ACBD3: variants seen among roughly 807,000 people sequenced by gnomAD.
ACBD3 encodes the protein acyl-CoA binding domain containing 3.
ACBD3 carries 30 observed loss-of-function variants against 66.9 expected under a neutral mutation model. The observed-to-expected ratio is 0.45, with a 90% CI of 0.34 to 0.61. The LOEUF (loss-of-function observed/expected upper bound fraction) is 0.61. Ranked by LOEUF, ACBD3 falls within the 20% of genes least tolerant of loss-of-function variation. ACBD3 has a pLI of 0.02. For synonymous variants in ACBD3, 278 were observed against 259.8 expected, an observed-to-expected ratio of 1.07 and a Z score of -0.68; for missense variants, 544 against 664.5, an observed-to-expected ratio of 0.82 and a Z score of 1.99.
At chr1:226,164,127 A>AC (rs1287776548) in intron 3 of ACBD3, among the ~76,000 whole-genome samples, 2 of 150,812 alleles carry the variant, frequency 1.3e-5, no homozygotes, top group African/African-American at 4.9e-5. Flanking sequence ...AAAAAAAAAA[A>AC]AAAAAAAAAA....
chr1:226,166,291 A>G (rs1486199724), intron 1 of ACBD3, among the ~76,000 whole-genome samples: 1 of 149,912 alleles, frequency 6.7e-6, no homozygotes, highest in African/African-American at 2.5e-5. Flanking sequence ...AAGTAGCTGG[A>G]CTACACGTGC....
In ACBD3 at chr1:226,181,637, GTACA is replaced by G. The variant is rs775452456; in HGVS notation, c.286+4749_286+4752del. On this transcript the variant is annotated intron_variant, in intron 1 of 7. Transcript: ENST00000366812. ...CTCTTGGAGGATTAAACAAAATAAT[GTACA>G]TACAGTTTTTGGCATAGTACCTGAG... Among the ~76,000 whole-genome samples, 5 of 152,038 alleles carry G rather than the reference GTACA, an allele frequency of 3.3e-5. 1 individual carries two copies. The East Asian group carries it at 7.7e-4, about 23-fold the overall frequency.
chr1:226,184,214 G>A (rs1482842486), intron 1 of ACBD3, among the ~76,000 whole-genome samples: 1 of 151,982 alleles, frequency 6.6e-6, no homozygotes, highest in East Asian at 1.9e-4. Context: ...ACAAAACAAA[G>A]GCAGCATTAC....
At chr1:226,174,473 C>A (rs1655972787) in intron 1 of ACBD3, among the ~76,000 whole-genome samples, 1 of 152,076 alleles carries the variant, frequency 6.6e-6, no homozygotes. Context: ...ATTTAGAGAA[C>A]CCTGGAAAAA....
rs1393368307 is a variant in ACBD3 at position 226,159,253 on chromosome 1, G to T, written c.834C>A (p.Arg278=). The T allele has an allele frequency of 6.2e-7, 1 of 1,614,186 alleles. No homozygotes were observed. The highest frequency in any genetic ancestry group is 1.7e-5 in the Admixed American group (1 of 60,028). The change falls in exon 5 of 8, where the codon CGC becomes CGA. Residue 278 remains arginine (R), a synonymous_variant. Transcript: ENST00000366812. Reference sequence around the variant, plus strand: ...GCTGATAGTGTTGCTCCTGCAACTGGCGGATGAGAATTTGCTGCTGTTCGT... The same window carrying T: ...GCTGATAGTGTTGCTCCTGCAACTGTCGGATGAGAATTTGCTGCTGTTCGT... ...GNYEQQQILI[R]QLQEQHYQQY...
chr1:226,158,953 T>C (rs545447102), intron 5 of ACBD3, among the ~76,000 whole-genome samples: 3 of 152,248 alleles, frequency 2.0e-5, no homozygotes, highest in African/African-American at 7.2e-5. Flanking sequence ...CCCATACAAC[T>C]CCCAAATACC....
intron 1 of ACBD3, among the ~76,000 whole-genome samples, chr1:226,179,398 G>A (rs868482592): frequency 6.6e-6 from 1 of 152,084 alleles, no homozygotes; most frequent in Non-Finnish European, 1.5e-5. Context: ...CTTGTTTGAG[G>A]TGTACTCCTT....
rs767681745 is a variant in ACBD3, at chr1:226,152,443, CTG to C, written c.1265_1266del (p.Thr422ArgfsTer4). On this transcript the variant is annotated frameshift_variant, in exon 7 of 8. Transcript: ENST00000366812. LOFTEE classifies it high-confidence loss of function. Reference protein sequence around the residue: ...EGSYLFWEFATDNYDIGFGVY... With the variant: ...EGSYLFWEFAXDNYDIGFGVY... ...ACCCCAAACCCAATGTCATAATTGT[CTG>C]TGGCAAATTCCCAAAAGAGATATGA... 6.2e-7 allele frequency: 1 copy of C among 1,614,210 alleles called. No individual in the cohort carries two copies. Among genetic ancestry groups the C allele is most frequent in the Non-Finnish European group, 8.5e-7 (1 of 1,180,042 alleles).
At chr1:226,173,753 TTTTC>T (rs1237751045) in intron 1 of ACBD3, among the ~76,000 whole-genome samples, 6 of 128,648 alleles carry the variant, frequency 4.7e-5, no homozygotes, top group African/African-American at 1.6e-4. Context: ...TTTTTTTTTC[TTTTC>T]TTTTTTTTTT....
intron 3 of ACBD3, among the ~76,000 whole-genome samples, chr1:226,162,137 G>A (rs1355017728): frequency 6.6e-6 from 1 of 152,168 alleles, no homozygotes; most frequent in Non-Finnish European, 1.5e-5. Context: ...TCAGGGCTTA[G>A]CACAGTGCTG....
At chr1:226,176,199 G>A (rs566140202) in intron 1 of ACBD3, among the ~76,000 whole-genome samples, 12 of 152,270 alleles carry the variant, frequency 7.9e-5, no homozygotes, top group Admixed American at 4.6e-4. Context: ...AAGCCGAGGC[G>A]GGTGGATCAT....
intron 7 of ACBD3, among the ~76,000 whole-genome samples, chr1:226,149,229 AT>A (rs530087804): frequency 0.14 from 20,424 of 144,124 alleles, 1,384 homozygotes; most frequent in Middle Eastern, 0.23. Flanking sequence ...AAGCTCTTTC[AT>A]TTTTTTTTTT....
chr1:226,178,609 A>C (rs1656103792), intron 1 of ACBD3, among the ~76,000 whole-genome samples: 1 of 146,498 alleles, frequency 6.8e-6, no homozygotes, highest in Admixed American at 7.0e-5. Flanking sequence ...TTAGGCTCAC[A>C]CCTCAATTGC....
intron 1 of ACBD3, among the ~76,000 whole-genome samples, chr1:226,185,529 G>C (rs1656278261): frequency 6.6e-6 from 1 of 151,240 alleles, no homozygotes; most frequent in Non-Finnish European, 1.5e-5. Context: ...GTATCTTTAA[G>C]AATCAAACTA....
chr1:226,152,333 A>T lies in ACBD3; in HGVS notation c.1375+2T>A. The T allele has an allele frequency of 6.2e-7, 1 of 1,613,660 alleles. No individual in the cohort carries two copies. The highest frequency in any genetic ancestry group is 8.5e-7 in the Non-Finnish European group (1 of 1,179,872). On this transcript the variant is annotated splice_donor_variant, in intron 7 of 7. Coordinates refer to ENST00000366812, the MANE Select transcript of ACBD3 (RefSeq NM_022735.4). LOFTEE classifies it high-confidence loss of function. ...CTACTGAATATGGACCAAGGGTTCT[A>T]CCTTCTTCCTCCTCGTCGTCATCGC...
At position 226,146,247 on chromosome 1, in the gene ACBD3, C is replaced by T; in HGVS notation, c.*363G>A. The T allele has an allele frequency of 5.1e-6, 1 of 195,680 alleles. No homozygotes were observed. Among genetic ancestry groups the T allele is most frequent in the South Asian group, 1.0e-4 (1 of 9,886 alleles). The allele number at this position is 195,680 out of a possible 1,614,324, so 12.1% of individuals were successfully genotyped here. On this transcript the variant is annotated 3_prime_UTR_variant, in exon 8 of 8. Coordinates refer to ENST00000366812, the MANE Select transcript of ACBD3 (RefSeq NM_022735.4). ...AGAGGACACTGTAACTACGGGCTCT[C>T]ATAAGACACATGGAGCAGGCAGCAA...
chr1:226,168,536 C>T (rs1215169647), intron 1 of ACBD3, among the ~76,000 whole-genome samples: 1 of 152,192 alleles, frequency 6.6e-6, no homozygotes, highest in Non-Finnish European at 1.5e-5. Context: ...TCATGCTCTG[C>T]ATAATGGCAT....
intron 1 of ACBD3, among the ~76,000 whole-genome samples, chr1:226,176,011 T>C (rs1387588067): frequency 6.6e-6 from 1 of 152,208 alleles, no homozygotes; most frequent in Non-Finnish European, 1.5e-5. Flanking sequence ...CAGTTGGCCT[T>C]TTCCTGAACT....
intron 7 of ACBD3, among the ~76,000 whole-genome samples, chr1:226,147,071 T>C (rs1203661228): frequency 6.6e-6 from 1 of 152,040 alleles, no homozygotes; most frequent in Non-Finnish European, 1.5e-5. Context: ...TTTGTATTTT[T>C]AGTAGACATG....
Sources: gnomAD v4.1 joint callset for allele counts (sites outside exome capture counted in the v4.1 genomes callset) on GRCh38, gnomAD v4.1.1 for gene constraint, MANE v1.5 for transcripts, NCBI Gene and HGNC (gene_info 2026-07-23, HGNC 2026-07-21) for gene names.